The following RHNO1 variants were observed in gnomAD, a reference collection of about 807,000 sequenced individuals.
RHNO1 encodes the protein RAD9, HUS1, RAD1-interacting nuclear orphan protein 1.
RHNO1 carries 9 observed loss-of-function variants against 7.2 expected under a neutral mutation model. That is an observed-to-expected ratio of 1.25 (90% CI 0.75 to 2.18). The LOEUF is 2.18. Ranked by LOEUF, RHNO1 falls within the 30% of genes most tolerant of loss-of-function variation. RHNO1 has a pLI of 0.00. For synonymous variants in RHNO1, 95 were observed against 107.5 expected (o/e 0.88, Z 0.72); for missense variants, 292 against 284.5 (o/e 1.03, Z -0.19).
At chr12:2,885,799 T>A in intron 2 of RHNO1, 1 of 269,574 alleles carries the variant, frequency 3.7e-6, no homozygotes, top group Non-Finnish European at 7.1e-6. Flanking sequence ...ATGGTCTCTA[T>A]CTCCTGACCT....
Position 2,885,543 on chromosome 12 carries a change from A to G in RHNO1, c.168+9A>G. On this transcript the variant is annotated intron_variant, in intron 2 of 2. Transcript: ENST00000489288. ...GCACCATCACTTCCTGGGTAGGCCC[A>G]TGGGATTACTATTTGACATTTTTTT... The G allele has an allele frequency of 1.8e-6, 2 of 1,123,002 alleles. No homozygotes were observed. The highest frequency in any genetic ancestry group is 1.3e-5 in the South Asian group (1 of 75,918). 69.6% of individuals were successfully genotyped at this position (1,123,002 alleles called of 1,614,324 possible).
chr12:2,883,070 A>AAAAAAAAACAAAAAC (rs1555108288), intron 1 of RHNO1, among the ~76,000 whole-genome samples: 6 of 140,866 alleles, frequency 4.3e-5, no homozygotes, highest in African/African-American at 1.6e-4. Context: ...CTGTCTCAAA[A>AAAAAAAAACAAAAAC]AAAAAAAAAA....
In RHNO1 at chr12:2,885,263, C is replaced by A; in HGVS notation, c.-84-20C>A. 9.9e-7 allele frequency: 1 copy of A among 1,005,968 alleles called. No individual in the cohort carries two copies. The highest frequency in any genetic ancestry group is 1.5e-6 in the Non-Finnish European group (1 of 679,874). The allele number at this position is 1,005,968 out of a possible 1,614,324, so 62.3% of individuals were successfully genotyped here. A position where few individuals can be genotyped will look rare whatever the true frequency, so the allele number is the denominator to read the frequency against. On this transcript the variant is annotated intron_variant, in intron 1 of 2. Coordinates refer to ENST00000489288, the MANE Select transcript of RHNO1 (RefSeq NM_001252499.3). ...AATCATCTGAATTATTTGCTCCCAG[C>A]TTTTGTTTCTTCTCTACAGGCATGG...
intron 1 of RHNO1, among the ~76,000 whole-genome samples, chr12:2,883,511 A>ATATATATATATATATAT (rs2098161542): frequency 1.5e-4 from 4 of 26,844 alleles, no homozygotes; most frequent in Non-Finnish European, 1.9e-4. Flanking sequence ...ATATATATAT[A>ATATATATATATATATAT]TTTTTTTTTT....
intron 2 of RHNO1, chr12:2,886,051 G>C (rs1312563928): frequency 6.6e-6 from 1 of 152,348 alleles, no homozygotes; most frequent in East Asian, 1.9e-4. Flanking sequence ...TCTGTCTGTG[G>C]CCAGCCATCT....
At chr12:2,878,952 A>C (rs931734451) in intron 1 of RHNO1, among the ~76,000 whole-genome samples, 1 of 147,634 alleles carries the variant, frequency 6.8e-6, no homozygotes, top group Admixed American at 6.8e-5. Flanking sequence ...TTTACTACAA[A>C]GCAATGCTCA....
At chr12:2,886,527 C>A (rs982067011) in intron 2 of RHNO1, among the ~76,000 whole-genome samples, 2 of 151,800 alleles carry the variant, frequency 1.3e-5, no homozygotes, top group African/African-American at 4.8e-5. Context: ...CATGGTGGTG[C>A]GCACCTGTAG....
chr12:2,881,514 G>A (rs2098157573), intron 1 of RHNO1, among the ~76,000 whole-genome samples: 1 of 152,068 alleles, frequency 6.6e-6, no homozygotes. Context: ...CTAGCACACA[G>A]TAGGCACTCA....
Position 2,888,658 on chromosome 12 carries a change from G to A in RHNO1, c.*199G>A. On this transcript the variant is annotated 3_prime_UTR_variant, in exon 3 of 3. Coordinates refer to ENST00000489288, the MANE Select transcript of RHNO1 (RefSeq NM_001252499.3). ...TTCTCCTGCCTCAGCCTCCCCAGTA[G>A]CTGGGATTACAGGCACCAGCCACCA... 4.6e-6 allele frequency: 2 copies of A among 433,994 alleles called. No individual in the cohort carries two copies. Among genetic ancestry groups the A allele is most frequent in the East Asian group, 3.5e-5 (1 of 28,810 alleles). The allele number at this position is 433,994 out of a possible 1,614,324, so 26.9% of individuals were successfully genotyped here.
intron 2 of RHNO1, chr12:2,887,249 G>A (rs887412728): frequency 4.2e-6 from 1 of 239,324 alleles, no homozygotes; most frequent in East Asian, 9.3e-5. Context: ...AGGCCGGGGT[G>A]GGTGGATCAC....
intron 2 of RHNO1, among the ~76,000 whole-genome samples, chr12:2,887,418 C>T (rs2098166855): frequency 1.4e-5 from 2 of 145,066 alleles, no homozygotes; most frequent in African/African-American, 2.6e-5. Flanking sequence ...TCGGAGGTTG[C>T]AGTGAGCAGA....
chr12:2,886,085 A>C (rs948157058), intron 2 of RHNO1: 2 of 152,184 alleles, frequency 1.3e-5, no homozygotes, highest in Non-Finnish European at 2.9e-5. Context: ...TTCTTTTCTC[A>C]GTTCAAACTG....
At chr12:2,880,228 G>A (rs1408210149) in intron 1 of RHNO1, among the ~76,000 whole-genome samples, 1 of 152,102 alleles carries the variant, frequency 6.6e-6, no homozygotes, top group African/African-American at 2.4e-5. Context: ...GAGCCCAAGA[G>A]TTTGAGGCTG....
intron 1 of RHNO1, among the ~76,000 whole-genome samples, chr12:2,878,899 G>C (rs1006063128): frequency 2.6e-5 from 4 of 151,880 alleles, no homozygotes; most frequent in African/African-American, 9.7e-5. Context: ...AGGGACGGGC[G>C]GGGGGTTGTC....
intron 2 of RHNO1, chr12:2,886,923 C>T: frequency 4.4e-6 from 2 of 455,150 alleles, no homozygotes; most frequent in South Asian, 1.5e-5. Flanking sequence ...TGCTAGTTCT[C>T]ACCCGCTATG....
intron 1 of RHNO1, among the ~76,000 whole-genome samples, chr12:2,882,730 A>G (rs368543051): frequency 6.6e-6 from 1 of 152,206 alleles, no homozygotes. Context: ...AGAAAAATCA[A>G]ACAGGTCAAG....
chr12:2,887,409 C>T (rs929137046), intron 2 of RHNO1, among the ~76,000 whole-genome samples: 3 of 145,344 alleles, frequency 2.1e-5, no homozygotes, highest in Admixed American at 7.2e-5. Flanking sequence ...ATCAGGGAGT[C>T]GGAGGTTGCA....
chr12:2,887,521 C>T (rs1002435928), intron 2 of RHNO1, among the ~76,000 whole-genome samples: 3 of 150,426 alleles, frequency 2.0e-5, no homozygotes, highest in Admixed American at 6.6e-5. Context: ...TGGTGGCAGG[C>T]GCCTGTAGTC....
At chr12:2,884,837 C>T (rs997846638) in intron 1 of RHNO1, among the ~76,000 whole-genome samples, 3 of 152,320 alleles carry the variant, frequency 2.0e-5, no homozygotes, top group African/African-American at 4.8e-5. Context: ...GGAGTGCCCT[C>T]CTTGCTTTTT....
Sources: gnomAD v4.1 joint callset for allele counts (sites outside exome capture counted in the v4.1 genomes callset) on GRCh38, gnomAD v4.1.1 for gene constraint, MANE v1.5 for transcripts, NCBI Gene and HGNC (gene_info 2026-07-23, HGNC 2026-07-21) for gene names.